The following CHD9 variants were observed in gnomAD, a reference collection of about 807,000 sequenced individuals.
The protein encoded by CHD9 is ATP-dependent chromatin remodeler CHD9.
Under a neutral mutation model 316.1 loss-of-function variants are expected in CHD9, and 77 were observed. The observed-to-expected ratio is 0.24, with a 90% CI of 0.20 to 0.29. CHD9 has a LOEUF of 0.29. Among genes scored for constraint, CHD9 ranks in the 10% least tolerant of loss-of-function variants. CHD9 has a pLI of 1.00. For missense variants in CHD9, 2,763 were observed against 3,438.1 expected (o/e 0.80, Z 4.91); for synonymous variants, 1,129 against 1,158.3 (o/e 0.97, Z 0.51).
chr16:53,272,312 C>T (rs2052352556), intron 22 of CHD9, among the ~76,000 whole-genome samples: 1 of 151,314 alleles, frequency 6.6e-6, no homozygotes, highest in African/African-American at 2.4e-5. Flanking sequence ...CAAGTATGAA[C>T]TTACATACAT....
chr16:53,085,478 C>G (rs1489350148), intron 1 of CHD9, among the ~76,000 whole-genome samples: 1 of 152,106 alleles, frequency 6.6e-6, no homozygotes, highest in African/African-American at 2.4e-5. Context: ...ACATCACACA[C>G]CCTTCCTCCC....
At chr16:53,171,830 CCACACA>C (rs71380026) in intron 2 of CHD9, among the ~76,000 whole-genome samples, 9,802 of 135,540 alleles carry the variant, frequency 0.072, 415 homozygotes, top group Non-Finnish European at 0.088. Context: ...ACAAACAAAA[CCACACA>C]CACACACACA....
Position 53,263,102 on chromosome 16 carries a change from G to C in CHD9, c.4320+5G>C. The C allele has an allele frequency of 6.3e-7, 1 of 1,596,918 alleles. No homozygotes were observed. The highest frequency in any genetic ancestry group is 8.6e-7 in the Non-Finnish European group (1 of 1,166,642). On this transcript the variant is annotated splice_donor_5th_base_variant and intron_variant, in intron 20 of 38. Coordinates refer to ENST00000447540, the MANE Select transcript of CHD9 (RefSeq NM_001308319.2). Reference sequence around the variant, plus strand: ...ATAGAGGCCATCAGTGGCAGAGTAAGTATTTTTATCCCTCTAAAATAAACT... The same window carrying C: ...ATAGAGGCCATCAGTGGCAGAGTAACTATTTTTATCCCTCTAAAATAAACT...
rs116722032 is a variant in CHD9, at chr16:53,284,801, C to T, written c.4968-795C>T. 3.6e-4 allele frequency among the ~76,000 whole-genome samples: 55 copies of T among 152,278 alleles called. 1 individual carries two copies. The highest frequency in any genetic ancestry group is 3.4e-3 in the Middle Eastern group (1 of 294). On this transcript the variant is annotated intron_variant, in intron 24 of 38. Transcript: ENST00000447540. Reference sequence around the variant, plus strand: ...GTTTTTCGAGACAGGGTCTCATTCCCGCGGCCTGGGTTGGAGTGCAGCAAC... The same window carrying T: ...GTTTTTCGAGACAGGGTCTCATTCCTGCGGCCTGGGTTGGAGTGCAGCAAC...
rs112679392 is a variant in CHD9, at chr16:53,242,884, C to A, written c.2922C>A (p.Thr974=). ...CTTACAGATTCCAAGCCATCATCAC[C>A]ACTTTTGAAATGATTCTTGGAGGCT... ...RGAYRFQAII[T]TFEMILGGCG... The change falls in exon 13 of 39, where the codon ACC becomes ACA. Residue 974 remains threonine, a synonymous_variant. Coordinates refer to ENST00000447540, the MANE Select transcript of CHD9 (RefSeq NM_001308319.2). The A allele has an allele frequency of 5.8e-4, 939 of 1,613,428 alleles. 16 individuals are homozygous for A. In the African/African-American group the frequency reaches 0.011, roughly 18 times the overall value.
At chr16:53,127,684 G>A (rs1433926726) in intron 1 of CHD9, among the ~76,000 whole-genome samples, 1 of 152,124 alleles carries the variant, frequency 6.6e-6, no homozygotes, top group Non-Finnish European at 1.5e-5. Context: ...ACTTTGAGAG[G>A]CTGAGGTGGG....
At position 53,243,033 on chromosome 16, in the gene CHD9, TATC is replaced by T. The variant is rs776398373; in HGVS notation, c.3054+20_3054+22del. 4 of 1,533,170 alleles carry T rather than the reference TATC, an allele frequency of 2.6e-6. No individual in the cohort carries two copies. In the Admixed American group the frequency reaches 5.2e-5, roughly 20 times the overall value. The allele number at this position is 1,533,170 out of a possible 1,614,324, so 95.0% of individuals were successfully genotyped here. ...ATGAATCTGGTAAGTAACTTAATAT[TATC>T]ATTATGACAATTGAGTTTATTAGAT... On this transcript the variant is annotated intron_variant, in intron 13 of 38. Coordinates refer to ENST00000447540, the MANE Select transcript of CHD9 (RefSeq NM_001308319.2).
chr16:53,249,780 T>C, intron 16 of CHD9, 91 bp from the exon 17 acceptor site: 2 of 991,908 alleles, frequency 2.0e-6, no homozygotes, highest in East Asian at 5.1e-5. Flanking sequence ...GAAAACATAA[T>C]GCTGCAGGAA....
At chr16:53,302,635 G>GT (rs2055550725) in intron 30 of CHD9, among the ~76,000 whole-genome samples, 1 of 152,162 alleles carries the variant, frequency 6.6e-6, no homozygotes, top group African/African-American at 2.4e-5. Context: ...GTCTACAACA[G>GT]TTTTTTCTGT....
intron 1 of CHD9, among the ~76,000 whole-genome samples, chr16:53,058,181 C>T (rs1287427676): frequency 6.6e-6 from 1 of 152,142 alleles, no homozygotes; most frequent in Non-Finnish European, 1.5e-5. Flanking sequence ...AGTGCAGTGG[C>T]ACGATGTCAG....
At chr16:53,296,585 C>T (rs2054821117) in intron 29 of CHD9, among the ~76,000 whole-genome samples, 1 of 151,828 alleles carries the variant, frequency 6.6e-6, no homozygotes, top group South Asian at 2.1e-4. Context: ...GGACTACAGG[C>T]GCCCGCCACC....
At chr16:53,292,440 T>G (rs2054420087) in intron 28 of CHD9, among the ~76,000 whole-genome samples, 1 of 152,208 alleles carries the variant, frequency 6.6e-6, no homozygotes, top group Non-Finnish European at 1.5e-5. Flanking sequence ...TTAAAATATT[T>G]TGATTCTAAT....
intron 1 of CHD9, among the ~76,000 whole-genome samples, chr16:53,114,144 T>C (rs2038087293): frequency 1.3e-5 from 2 of 152,182 alleles, no homozygotes; most frequent in South Asian, 4.1e-4. Flanking sequence ...GAGTTTGCCA[T>C]AACAAAAACA....
intron 24 of CHD9, among the ~76,000 whole-genome samples, chr16:53,280,016 A>G (rs1370658189): frequency 6.6e-6 from 1 of 152,160 alleles, no homozygotes; most frequent in Admixed American, 6.5e-5. Context: ...CAAAAAATCA[A>G]AAAATAATAG....
At chr16:53,136,455 G>T (rs1047011268) in intron 1 of CHD9, among the ~76,000 whole-genome samples, 2 of 151,234 alleles carry the variant, frequency 1.3e-5, no homozygotes, top group Admixed American at 6.6e-5. Flanking sequence ...AGGAAAAAAT[G>T]ATATTTTTTG....
At chr16:53,152,195 G>A (rs997488866) in intron 1 of CHD9, among the ~76,000 whole-genome samples, 8 of 152,286 alleles carry the variant, frequency 5.3e-5, no homozygotes, top group Non-Finnish European at 8.8e-5. Flanking sequence ...ATTGGTTGTT[G>A]TCTGAGGTTA....
Position 53,142,020 on chromosome 16 carries a change from A to G in CHD9, c.-164-13906A>G, listed in dbSNP as rs533967851. Among the ~76,000 whole-genome samples, 7 of 152,338 alleles carry G rather than the reference A, an allele frequency of 4.6e-5. No individual in the cohort carries two copies. In the East Asian group the frequency reaches 1.3e-3, roughly 29 times the overall value. ...GGAGGGGCATTGATAACTTTGGGAA[A>G]GGAATAAAATAGGAAGTACATATGT... On this transcript the variant is annotated intron_variant, in intron 1 of 38. Transcript: ENST00000447540.
chr16:53,288,979 C>T (rs1198069190), intron 27 of CHD9, among the ~76,000 whole-genome samples: 2 of 151,402 alleles, frequency 1.3e-5, no homozygotes, highest in African/African-American at 2.4e-5. Context: ...TGACTATGCA[C>T]GAGTCCCGAA....
chr16:53,307,598 A>T, intron 32 of CHD9, 83 bp from the exon 33 acceptor site: 2 of 1,278,748 alleles, frequency 1.6e-6, no homozygotes, highest in Non-Finnish European at 2.1e-6. Context: ...CTAGGGTTAA[A>T]TCCATAGACT....
Sources: gnomAD v4.1 joint callset for allele counts (sites outside exome capture counted in the v4.1 genomes callset) on GRCh38, gnomAD v4.1.1 for gene constraint, MANE v1.5 for transcripts, NCBI Gene and HGNC (gene_info 2026-07-23, HGNC 2026-07-21) for gene names.